CCSER1: variants seen among roughly 807,000 people sequenced by gnomAD.
CCSER1 encodes the protein coiled-coil serine rich protein 1.
In CCSER1, 41 loss-of-function variants were observed where a neutral mutation model predicts 82.0. That is an observed-to-expected ratio of 0.50 (90% confidence interval 0.39 to 0.65). The LOEUF (loss-of-function observed/expected upper bound fraction) is 0.65. Among genes scored for constraint, CCSER1 ranks in the 30% least tolerant of loss-of-function variants. The pLI, the probability that CCSER1 is intolerant of heterozygous loss-of-function variation, is 0.00. For synonymous variants in CCSER1, 414 were observed against 383.9 expected (o/e 1.08, Z -0.92); for missense variants, 1,119 against 1,064.2 (o/e 1.05, Z -0.72).
At position 91,128,776 on chromosome 4, in the gene CCSER1, G is replaced by A. The variant is rs551866142; in HGVS notation, c.2217+42782G>A. On this transcript the variant is annotated intron_variant, in intron 10 of 10. Transcript: ENST00000509176. ...AGCAGGCTAAGGGGAAAGTGGTCAC[G>A]TGAAAATACAGTTAGACTAGAGCAA... 5.9e-5 allele frequency among the ~76,000 whole-genome samples: 9 copies of A among 152,098 alleles called. No homozygotes were observed. The East Asian group carries it at 1.7e-3, about 29-fold the overall frequency.
intron 10 of CCSER1, among the ~76,000 whole-genome samples, chr4:91,539,265 A>C (rs1761464480): frequency 6.6e-6 from 1 of 151,902 alleles, no homozygotes; most frequent in African/African-American, 2.4e-5. Flanking sequence ...TTGTGTTTTC[A>C]GATTATCTTC....
intron 1 of CCSER1, among the ~76,000 whole-genome samples, chr4:90,275,275 C>T (rs972224400): frequency 1.3e-5 from 2 of 152,046 alleles, no homozygotes; most frequent in Non-Finnish European, 2.9e-5. Context: ...AACATGCAGT[C>T]ACATAAGTGT....
intron 8 of CCSER1, among the ~76,000 whole-genome samples, chr4:90,819,683 C>T (rs17187951): frequency 0.14 from 20,952 of 152,002 alleles, 1,663 homozygotes; most frequent in Non-Finnish European, 0.18. Context: ...TATTTTATAG[C>T]CACACTTCCA....
chr4:90,514,468 T>C (rs1366940927), intron 5 of CCSER1, among the ~76,000 whole-genome samples: 1 of 152,150 alleles, frequency 6.6e-6, no homozygotes, highest in Admixed American at 6.5e-5. Flanking sequence ...TTAGAAAACA[T>C]TTTAGGCCAG....
intron 10 of CCSER1, among the ~76,000 whole-genome samples, chr4:91,419,021 A>C (rs1290385344): frequency 6.6e-6 from 1 of 152,022 alleles, no homozygotes. Flanking sequence ...AGATGCATAA[A>C]AATTTTTCAA....
chr4:91,184,110 G>T (rs1379906482), intron 10 of CCSER1, among the ~76,000 whole-genome samples: 4 of 152,170 alleles, frequency 2.6e-5, no homozygotes, highest in African/African-American at 9.7e-5. Context: ...TTTTGCAAGT[G>T]ATCATAACAT....
intron 10 of CCSER1, among the ~76,000 whole-genome samples, chr4:91,282,289 A>G (rs1742973660): frequency 6.6e-6 from 1 of 152,178 alleles, no homozygotes; most frequent in Non-Finnish European, 1.5e-5. Flanking sequence ...ATGCTGAAAC[A>G]GTGCTTAGAT....
intron 3 of CCSER1, among the ~76,000 whole-genome samples, chr4:90,371,109 G>T (rs1388311517): frequency 6.7e-6 from 1 of 149,760 alleles, no homozygotes; most frequent in African/African-American, 2.4e-5. Flanking sequence ...TGATTTTCTT[G>T]CATCATATAA....
chr4:90,357,206 A>C (rs1404409086), intron 3 of CCSER1, among the ~76,000 whole-genome samples: 1 of 151,926 alleles, frequency 6.6e-6, no homozygotes, highest in Admixed American at 6.6e-5. Flanking sequence ...GATGGTTTTA[A>C]AAAACCATAT....
intron 3 of CCSER1, among the ~76,000 whole-genome samples, chr4:90,343,819 A>G (rs1741851638): frequency 1.3e-5 from 2 of 152,084 alleles, no homozygotes; most frequent in Admixed American, 6.6e-5. Flanking sequence ...CAGGCATGCA[A>G]TGTGTAAGAA....
chr4:91,598,942 T>G lies in CCSER1; in HGVS notation c.2588T>G (p.Phe863Cys). The change falls in exon 11 of 11, where the codon TTT (phenylalanine) becomes TGT (cysteine). Residue 863 changes from phenylalanine (F) to cysteine (C), a missense_variant. Physicochemically the swap from Phe to Cys is radical, Grantham distance 205. Transcript: ENST00000509176. ...CAGCATTCGACCTTTACAGGCAGGT[T>G]TGGACAGCCACCCAGAGGGCCAATC... ...ARQHSTFTGRFGQPPRGPISL... is the reference protein window; with the variant it reads ...ARQHSTFTGRCGQPPRGPISL... 2 of 1,551,538 alleles carry G rather than the reference T, an allele frequency of 1.3e-6. No individual in the cohort carries two copies. The highest frequency in any genetic ancestry group is 1.7e-6 in the Non-Finnish European group (2 of 1,146,882).
chr4:90,590,072 C>T (rs1283121963), intron 5 of CCSER1, among the ~76,000 whole-genome samples: 3 of 151,406 alleles, frequency 2.0e-5, no homozygotes, highest in African/African-American at 7.3e-5. Flanking sequence ...TCAGGAGTTC[C>T]AGACAAGCCT....
intron 5 of CCSER1, among the ~76,000 whole-genome samples, chr4:90,578,287 A>G (rs773305393): frequency 2.0e-5 from 3 of 152,186 alleles, no homozygotes; most frequent in Non-Finnish European, 2.9e-5. Context: ...AAACTGGGCC[A>G]AAATCAAGAA....
chr4:91,521,145 T>C (rs759075515), intron 10 of CCSER1, among the ~76,000 whole-genome samples: 25 of 152,242 alleles, frequency 1.6e-4, no homozygotes, highest in Admixed American at 5.9e-4. Flanking sequence ...TTTGGTTTTC[T>C]GTCCTTGTGA....
chr4:90,824,298 G>A (rs1023808874), intron 8 of CCSER1, among the ~76,000 whole-genome samples: 1 of 151,898 alleles, frequency 6.6e-6, no homozygotes, highest in African/African-American at 2.4e-5. Context: ...TAACTGTAAG[G>A]CAAGTTCTCG....
intron 10 of CCSER1, among the ~76,000 whole-genome samples, chr4:91,447,385 T>TCC (rs374370770): frequency 2.0e-5 from 1 of 49,684 alleles, no homozygotes; most frequent in African/African-American, 1.1e-4. Context: ...TATCTTACAC[T>TCC]CCCCCCTAAA....
intron 5 of CCSER1, among the ~76,000 whole-genome samples, chr4:90,618,987 T>C (rs558813203): frequency 5.3e-5 from 8 of 151,970 alleles, no homozygotes; most frequent in African/African-American, 1.7e-4. Flanking sequence ...ATCTACATTA[T>C]AGGTAACTAC....
chr4:90,352,325 A>G (rs532480850), intron 3 of CCSER1, among the ~76,000 whole-genome samples: 19 of 152,086 alleles, frequency 1.2e-4, no homozygotes, highest in African/African-American at 4.6e-4. Flanking sequence ...CTCTGTCTCA[A>G]AAAAATCAAA....
chr4:90,130,530 G>C (rs1032398022), intron 1 of CCSER1, among the ~76,000 whole-genome samples: 1 of 152,182 alleles, frequency 6.6e-6, no homozygotes, highest in Non-Finnish European at 1.5e-5. Context: ...GGGAAGATAA[G>C]TTTGTTTTGA....
Sources: gnomAD v4.1 joint callset for allele counts (sites outside exome capture counted in the v4.1 genomes callset) on GRCh38, gnomAD v4.1.1 for gene constraint, MANE v1.5 for transcripts, NCBI Gene and HGNC (gene_info 2026-07-23, HGNC 2026-07-21) for gene names.